The following DLGAP1 variants were observed in gnomAD, a reference collection of about 807,000 sequenced individuals.
DLGAP1 encodes DLG associated protein 1, also known as disks large-associated protein 1.
DLGAP1 carries 11 observed loss-of-function variants against 90.8 expected under a neutral mutation model. The ratio of observed to expected loss-of-function variants is 0.12; its 90% CI spans 0.08 to 0.20. The LOEUF is 0.20. Ranked by LOEUF, DLGAP1 falls within the 10% of genes least tolerant of loss-of-function variation. The probability of loss-of-function intolerance (pLI) is 1.00; values close to 1 mark genes in which losing one functional copy is unlikely to be tolerated. For synonymous variants in DLGAP1, 558 were observed against 540.7 expected (o/e 1.03, Z -0.44); for missense variants, 1,050 against 1,333.8 (o/e 0.79, Z 3.31).
At chr18:4,445,371 T>C (rs902471026) in intron 1 of DLGAP1, among the ~76,000 whole-genome samples, 4 of 151,696 alleles carry the variant, frequency 2.6e-5, no homozygotes, top group African/African-American at 9.7e-5. Context: ...TACGTATACA[T>C]GTGCCATGCT....
At chr18:4,444,440 GCTGAGGGA>G (rs2083612608) in intron 1 of DLGAP1, among the ~76,000 whole-genome samples, 2 of 152,258 alleles carry the variant, frequency 1.3e-5, no homozygotes, top group South Asian at 2.1e-4. Flanking sequence ...GCAGGACTGG[GCTGAGGGA>G]CTATGAGCCT....
chr18:4,140,187 CT>C (rs570548370), intron 2 of DLGAP1, among the ~76,000 whole-genome samples: 259 of 151,916 alleles, frequency 1.7e-3, no homozygotes, highest in African/African-American at 5.9e-3. Flanking sequence ...TTGCTTCTTT[CT>C]TTTTTTCCTG....
At position 3,895,280 on chromosome 18, in the gene DLGAP1, T is replaced by TACACACACACACAC. The variant is rs35493688; in HGVS notation, c.-72-15154_-72-15141dup. On this transcript the variant is annotated intron_variant, in intron 3 of 12. Coordinates refer to ENST00000315677, the MANE Select transcript of DLGAP1 (RefSeq NM_004746.4). ...CATTGTATTTCCCTTGGATGTTTAT[T>TACACACACACACAC]ACACACACACACACACACACACACA... 1.6e-4 allele frequency among the ~76,000 whole-genome samples: 22 copies of TACACACACACACAC among 137,366 alleles called. 1 individual carries two copies. The highest frequency in any genetic ancestry group is 7.6e-4 in the South Asian group (3 of 3,942). 90.1% of individuals were successfully genotyped at this position (137,366 alleles called of 152,430 possible).
rs9946147 is a variant in DLGAP1, at chr18:4,343,757, C to A, written c.-267+111249G>T. Among the ~76,000 whole-genome samples the A allele has an allele frequency of 7.1e-3, 1,087 of 152,146 alleles. 13 individuals carry two copies. The highest frequency in any genetic ancestry group is 0.024 in the African/African-American group (994 of 41,498). ...GGCACATGTATACCTATGTAACAAACCTGCACGTTCTGCACATGTATCCCA... is the reference window on the plus strand; with the variant it reads ...GGCACATGTATACCTATGTAACAAAACTGCACGTTCTGCACATGTATCCCA... On this transcript the variant is annotated intron_variant, in intron 1 of 12. Coordinates refer to ENST00000315677, the MANE Select transcript of DLGAP1 (RefSeq NM_004746.4).
chr18:4,306,309 A>G (rs2080257896), intron 1 of DLGAP1, among the ~76,000 whole-genome samples: 1 of 152,126 alleles, frequency 6.6e-6, no homozygotes, highest in Non-Finnish European at 1.5e-5. Flanking sequence ...CAGAAAGCTT[A>G]TATTAGAAGA....
At chr18:4,430,878 C>A (rs2083273702) in intron 1 of DLGAP1, 1 of 152,644 alleles carries the variant, frequency 6.6e-6, no homozygotes, top group African/African-American at 2.4e-5. Context: ...CATTAATAAT[C>A]CAAGGTCAAT....
In DLGAP1 at chr18:3,635,509, A is replaced by G. The variant is rs181772899; in HGVS notation, c.1592-53261T>C. Among the ~76,000 whole-genome samples the G allele has an allele frequency of 7.7e-4, 116 of 151,526 alleles. 3 individuals carry two copies. Among genetic ancestry groups the G allele is most frequent in the African/African-American group, 2.4e-3 (100 of 41,218 alleles). ...GGCCAACTCATTCATTCATTCTTGC[A>G]GCAGTGGGTGTGGTGACCTCTACTG... On this transcript the variant is annotated intron_variant, in intron 7 of 12. Transcript: ENST00000315677.
intron 3 of DLGAP1, among the ~76,000 whole-genome samples, chr18:3,920,575 CAA>C (rs2072248224): frequency 6.6e-6 from 1 of 151,990 alleles, no homozygotes; most frequent in Non-Finnish European, 1.5e-5. Flanking sequence ...AATTTTTCCC[CAA>C]TAGCTAGGAG....
intron 2 of DLGAP1, among the ~76,000 whole-genome samples, chr18:4,136,460 T>C (rs1188426963): frequency 1.3e-5 from 2 of 152,228 alleles, no homozygotes; most frequent in Admixed American, 1.3e-4. Flanking sequence ...TATCTCATTA[T>C]AGCTTTGATT....
intron 2 of DLGAP1, among the ~76,000 whole-genome samples, chr18:4,046,948 A>G (rs554750483): frequency 6.6e-6 from 1 of 152,374 alleles, no homozygotes; most frequent in Admixed American, 6.5e-5. Context: ...TGTCAGATTG[A>G]TAAGACCTGA....
intron 1 of DLGAP1, among the ~76,000 whole-genome samples, chr18:4,192,211 A>G (rs1260828322): frequency 6.6e-6 from 1 of 152,170 alleles, no homozygotes; most frequent in Non-Finnish European, 1.5e-5. Flanking sequence ...ATCCTCAGAA[A>G]AGCATTTAAA....
intron 5 of DLGAP1, among the ~76,000 whole-genome samples, chr18:3,807,802 G>C (rs1368667781): frequency 5.3e-5 from 8 of 152,166 alleles, no homozygotes; most frequent in Non-Finnish European, 1.2e-4. Flanking sequence ...CTCTAGAAAA[G>C]TATCGGGACT....
chr18:4,212,067 G>A (rs892368146), intron 1 of DLGAP1, among the ~76,000 whole-genome samples: 6 of 152,064 alleles, frequency 3.9e-5, no homozygotes, highest in African/African-American at 1.4e-4. Flanking sequence ...TGCAGAAACA[G>A]GTATTCCCAA....
chr18:4,050,578 A>G (rs1187469670), intron 2 of DLGAP1, among the ~76,000 whole-genome samples: 1 of 152,238 alleles, frequency 6.6e-6, no homozygotes, highest in Non-Finnish European at 1.5e-5. Flanking sequence ...ACTCAATGGA[A>G]ACTTGCACAG....
intron 4 of DLGAP1, among the ~76,000 whole-genome samples, chr18:3,831,163 T>C (rs964462966): frequency 2.0e-5 from 3 of 152,124 alleles, no homozygotes; most frequent in Non-Finnish European, 4.4e-5. Flanking sequence ...TGCAGTTGGA[T>C]GTTGCTGTGG....
chr18:4,164,400 G>T (rs895853075), intron 1 of DLGAP1, among the ~76,000 whole-genome samples: 9 of 152,286 alleles, frequency 5.9e-5, no homozygotes, highest in Non-Finnish European at 8.8e-5. Flanking sequence ...CACTGCCGGG[G>T]CTGGGTGTGG....
At chr18:3,880,196 T>C (rs2071118928) in intron 3 of DLGAP1, 56 bp from the exon 4 acceptor site, 2 of 855,102 alleles carry the variant, frequency 2.3e-6, no homozygotes, top group Non-Finnish European at 3.7e-6. Flanking sequence ...AAATTAGGTA[T>C]TGCACTTTAC....
In DLGAP1 at chr18:3,581,477, G is replaced by T. The variant is rs1488056856; in HGVS notation, c.1965+398C>A. ...ACCAGACCCCTTGAGAAGGCGCTGTGGGTGGGTCTTTGTTCTGCTGTTCTG... is the reference window on the plus strand; with the variant it reads ...ACCAGACCCCTTGAGAAGGCGCTGTTGGTGGGTCTTTGTTCTGCTGTTCTG... On this transcript the variant is annotated intron_variant, in intron 8 of 12. Transcript: ENST00000315677. Among the ~76,000 whole-genome samples, 5 of 151,982 alleles carry T rather than the reference G, an allele frequency of 3.3e-5. No individual in the cohort carries two copies. The East Asian group carries it at 7.7e-4, about 23-fold the overall frequency.
intron 7 of DLGAP1, among the ~76,000 whole-genome samples, chr18:3,620,891 C>T (rs998499199): frequency 6.6e-6 from 1 of 152,142 alleles, no homozygotes; most frequent in Non-Finnish European, 1.5e-5. Context: ...TGATGTGTGA[C>T]CAGAAATTAT....
Sources: gnomAD v4.1 joint callset for allele counts (sites outside exome capture counted in the v4.1 genomes callset) on GRCh38, gnomAD v4.1.1 for gene constraint, MANE v1.5 for transcripts, NCBI Gene and HGNC (gene_info 2026-07-23, HGNC 2026-07-21) for gene names.